Variants in CABLES1 observed in about 807,000 individuals in gnomAD.
CABLES1 encodes the protein CDK5 and ABL1 enzyme substrate 1.
A neutral mutation model predicts 57.8 loss-of-function variants in CABLES1; 36 were observed. The ratio of observed to expected loss-of-function variants is 0.62; its 90% confidence interval spans 0.48 to 0.82. The LOEUF is 0.82. CABLES1 is among the 40% of genes least tolerant of loss of function. The probability of loss-of-function intolerance (pLI) is 0.00; values close to 1 mark genes in which losing one functional copy is unlikely to be tolerated. For synonymous variants in CABLES1, 374 were observed against 363.0 expected (o/e 1.03, Z -0.35); for missense variants, 767 against 836.6 (o/e 0.92, Z 1.03).
chr18:23,174,846 A>G (rs955505371), intron 1 of CABLES1, among the ~76,000 whole-genome samples: 6 of 139,878 alleles, frequency 4.3e-5, no homozygotes, highest in Non-Finnish European at 9.2e-5. Context: ...ATATATATAT[A>G]TATATATATA....
intron 1 of CABLES1, among the ~76,000 whole-genome samples, chr18:23,182,031 A>AG (rs2047170779): frequency 6.6e-6 from 1 of 152,180 alleles, no homozygotes; most frequent in Non-Finnish European, 1.5e-5. Context: ...GCAGCCAGGA[A>AG]GGGGGGTACA....
chr18:23,161,579 A>G (rs559684777), intron 1 of CABLES1, among the ~76,000 whole-genome samples: 1 of 150,294 alleles, frequency 6.7e-6, no homozygotes, highest in South Asian at 2.2e-4. Flanking sequence ...GAGGCCTAAC[A>G]TACGTATGTA....
At chr18:23,224,384 G>A (rs897513115) in intron 4 of CABLES1, among the ~76,000 whole-genome samples, 2 of 152,022 alleles carry the variant, frequency 1.3e-5, no homozygotes, top group African/African-American at 4.8e-5. Flanking sequence ...GCAGGCAGAA[G>A]CCTCAGTCCT....
At chr18:23,205,276 C>A (rs568666836) in intron 3 of CABLES1, among the ~76,000 whole-genome samples, 29 of 150,656 alleles carry the variant, frequency 1.9e-4, no homozygotes, top group Non-Finnish European at 3.2e-4. Context: ...CAACTGCAGC[C>A]TCCATCTCCT....
At chr18:23,236,080 C>T (rs569694223) in intron 6 of CABLES1, 29 bp downstream of exon 6, 1 of 1,609,652 alleles carries the variant, frequency 6.2e-7, no homozygotes, top group African/African-American at 1.3e-5. Flanking sequence ...GGTCTGGTAG[C>T]TCGTGGTGGG....
At chr18:23,257,062 G>C in intron 9 of CABLES1, 165 bp from the exon 10 acceptor site, 1 of 715,424 alleles carries the variant, frequency 1.4e-6, no homozygotes, top group South Asian at 1.9e-5. Context: ...CAGGACCGAA[G>C]GCAGGAAGCA....
intron 3 of CABLES1, 59 bp downstream of exon 3, chr18:23,194,599 G>T: frequency 8.6e-7 from 1 of 1,164,758 alleles, no homozygotes; most frequent in Non-Finnish European, 1.3e-6. Context: ...GGGACTGGAG[G>T]AGGGGACAGT....
At chr18:23,201,754 C>T (rs972666582) in intron 3 of CABLES1, among the ~76,000 whole-genome samples, 2 of 152,212 alleles carry the variant, frequency 1.3e-5, no homozygotes, top group Non-Finnish European at 2.9e-5. Context: ...AAACAGGTTA[C>T]ATCCCAATAG....
intron 1 of CABLES1, among the ~76,000 whole-genome samples, chr18:23,178,583 T>C (rs940443553): frequency 3.3e-5 from 5 of 152,224 alleles, no homozygotes; most frequent in African/African-American, 1.2e-4. Context: ...TCACTGGATC[T>C]TCAAGTAGGG....
intron 2 of CABLES1, among the ~76,000 whole-genome samples, chr18:23,193,489 A>G (rs1474016406): frequency 6.7e-6 from 1 of 149,304 alleles, no homozygotes; most frequent in Non-Finnish European, 1.5e-5. Flanking sequence ...ACCACGCCCC[A>G]GCCCAGAATC....
intron 1 of CABLES1, among the ~76,000 whole-genome samples, chr18:23,169,476 G>T (rs1430390439): frequency 1.3e-5 from 2 of 152,138 alleles, no homozygotes; most frequent in Non-Finnish European, 2.9e-5. Flanking sequence ...CGCTATTATG[G>T]TTAAACATAT....
intron 4 of CABLES1, among the ~76,000 whole-genome samples, chr18:23,216,491 G>A (rs966719861): frequency 5.9e-5 from 9 of 152,146 alleles, no homozygotes; most frequent in African/African-American, 1.9e-4. Flanking sequence ...AGCATGGCAC[G>A]TGGCATGCAG....
In CABLES1 at chr18:23,135,727, C is replaced by G. The variant is rs2046813335; in HGVS notation, c.-36C>G. 1.0e-6 allele frequency: 1 copy of G among 986,622 alleles called. No individual in the cohort carries two copies. The highest frequency in any genetic ancestry group is 4.7e-5 in the South Asian group (1 of 21,348). 61.1% of individuals were successfully genotyped at this position (986,622 alleles called of 1,614,324 possible). A position where few individuals can be genotyped will look rare whatever the true frequency, so the allele number is the denominator to read the frequency against. ...TAGCGCTCGGGCGCCGCTCGCTTCT[C>G]CGGGCATCGCGGAAATCCCGCCGCA... On this transcript the variant is annotated 5_prime_UTR_variant, in exon 1 of 10. Transcript: ENST00000256925.
At chr18:23,176,232 G>A (rs549129050) in intron 1 of CABLES1, among the ~76,000 whole-genome samples, 1 of 152,128 alleles carries the variant, frequency 6.6e-6, no homozygotes, top group Non-Finnish European at 1.5e-5. Flanking sequence ...CACTGGGGGT[G>A]GGGGGATGGC....
intron 1 of CABLES1, among the ~76,000 whole-genome samples, chr18:23,175,504 C>T (rs897899138): frequency 6.6e-5 from 10 of 152,012 alleles, no homozygotes; most frequent in East Asian, 1.9e-4. Flanking sequence ...TTTTGCATTG[C>T]GTCTTACTTT....
At chr18:23,154,264 C>T (rs183400973) in intron 1 of CABLES1, among the ~76,000 whole-genome samples, 4 of 152,214 alleles carry the variant, frequency 2.6e-5, no homozygotes, top group Non-Finnish European at 5.9e-5. Flanking sequence ...GGTAACTAAA[C>T]AAGCACCCGG....
intron 1 of CABLES1, among the ~76,000 whole-genome samples, chr18:23,150,612 C>A (rs1171479639): frequency 6.6e-6 from 1 of 152,110 alleles, no homozygotes; most frequent in Non-Finnish European, 1.5e-5. Flanking sequence ...AGGGGTGGGA[C>A]CCCTGCCACC....
chr18:23,176,738 T>C (rs1378127065), intron 1 of CABLES1, among the ~76,000 whole-genome samples: 1 of 151,906 alleles, frequency 6.6e-6, no homozygotes, highest in Non-Finnish European at 1.5e-5. Flanking sequence ...TCCTAGAAAA[T>C]AAGGATTCAC....
At chr18:23,164,321 G>A (rs2047025639) in intron 1 of CABLES1, among the ~76,000 whole-genome samples, 1 of 152,144 alleles carries the variant, frequency 6.6e-6, no homozygotes, top group Non-Finnish European at 1.5e-5. Context: ...TCCCTCCTCG[G>A]GTCGACGTGG....
Sources: allele counts gnomAD v4.1 joint callset (sites outside exome capture counted in the v4.1 genomes callset), GRCh38; gene constraint gnomAD v4.1.1; transcripts MANE v1.5; gene names NCBI Gene and HGNC (gene_info 2026-07-23, HGNC 2026-07-21).